ARHGAP6: variants seen among roughly 807,000 people sequenced by gnomAD.
The protein encoded by ARHGAP6 is rho GTPase-activating protein 6.
A neutral mutation model predicts 55.7 loss-of-function variants in ARHGAP6; 16 were observed. That is an observed-to-expected ratio of 0.29 (90% CI 0.19 to 0.44). The LOEUF (loss-of-function observed/expected upper bound fraction) is 0.44, where lower values mean the gene tolerates loss of function less well. ARHGAP6 is among the 20% of genes least tolerant of loss of function. The pLI, the probability that ARHGAP6 is intolerant of heterozygous loss-of-function variation, is 1.00. For synonymous variants in ARHGAP6, 382 were observed against 360.9 expected, an observed-to-expected ratio of 1.06 and a Z score of -0.66; for missense variants, 698 against 808.9, an observed-to-expected ratio of 0.86 and a Z score of 1.66.
chrX:11,181,873 A>C (rs1367796600), intron 6 of ARHGAP6, among the ~76,000 whole-genome samples, 190 bp downstream of exon 6: 1 of 110,124 alleles, frequency 9.1e-6, no homozygotes, highest in East Asian at 2.8e-4. Context: ...CAAGTGTTTG[A>C]TCCTAACTGT....
intron 1 of ARHGAP6, among the ~76,000 whole-genome samples, chrX:11,294,622 C>G (rs1222451073): frequency 8.9e-6 from 1 of 112,197 alleles, no homozygotes; most frequent in Non-Finnish European, 1.9e-5. Flanking sequence ...AGGCTGAGAG[C>G]TGGAAATCAC....
intron 1 of ARHGAP6, among the ~76,000 whole-genome samples, chrX:11,660,722 T>C (rs1263002292): frequency 9.1e-6 from 1 of 110,134 alleles, no homozygotes; most frequent in Non-Finnish European, 1.9e-5. Flanking sequence ...AGTCTTCTTT[T>C]TTGGGAGCTG....
chrX:11,659,981 A>G (rs62589866), intron 1 of ARHGAP6, among the ~76,000 whole-genome samples: 15,753 of 111,613 alleles, frequency 0.14, 1,015 homozygotes, highest in Middle Eastern at 0.27. Flanking sequence ...AGACACTGCC[A>G]AATGTCCCCT....
At chrX:11,519,506 A>T (rs140265119) in intron 1 of ARHGAP6, among the ~76,000 whole-genome samples, 11,367 of 109,902 alleles carry the variant, frequency 0.1, 852 homozygotes, top group African/African-American at 0.24. Context: ...AATTTGATTG[A>T]GTTCATTGTA....
At chrX:11,363,692 T>C (rs1394175190) in intron 1 of ARHGAP6, among the ~76,000 whole-genome samples, 1 of 112,164 alleles carries the variant, frequency 8.9e-6, no homozygotes, top group Non-Finnish European at 1.9e-5. Flanking sequence ...ACTAAGCTTA[T>C]CTTATAGACA....
chrX:11,385,395 ATGC>A (rs1280089799), intron 1 of ARHGAP6, among the ~76,000 whole-genome samples: 1 of 111,958 alleles, frequency 8.9e-6, no homozygotes, highest in East Asian at 2.8e-4. Context: ...ACTAATGATA[ATGC>A]TGCTACCAGT....
intron 1 of ARHGAP6, among the ~76,000 whole-genome samples, chrX:11,341,764 C>T (rs189218642): frequency 4.5e-5 from 5 of 112,069 alleles, no homozygotes; most frequent in South Asian, 3.7e-4. Flanking sequence ...CAAAGTTATA[C>T]GGGCTGATAA....
chrX:11,576,680 C>A (rs745740038), intron 1 of ARHGAP6, among the ~76,000 whole-genome samples: 1 of 112,207 alleles, frequency 8.9e-6, no homozygotes, highest in African/African-American at 3.2e-5. Context: ...GCAACAATTC[C>A]TGAACAAATG....
At chrX:11,491,430 T>C (rs2147848356) in intron 1 of ARHGAP6, among the ~76,000 whole-genome samples, 1 of 109,545 alleles carries the variant, frequency 9.1e-6, no homozygotes, top group African/African-American at 3.3e-5. Flanking sequence ...GTTCTCATTG[T>C]TCAATTCCCA....
chrX:11,547,403 T>C (rs1017008674), intron 1 of ARHGAP6, among the ~76,000 whole-genome samples: 1 of 111,867 alleles, frequency 8.9e-6, no homozygotes, highest in Non-Finnish European at 1.9e-5. Context: ...TCTAATTATC[T>C]CCTAGATGGT....
intron 1 of ARHGAP6, among the ~76,000 whole-genome samples, chrX:11,261,267 C>T (rs981472078): frequency 4.5e-5 from 5 of 111,159 alleles, no homozygotes; most frequent in East Asian, 2.8e-4. Flanking sequence ...AGAGTTAATC[C>T]GTGATACCTA....
chrX:11,540,640 T>C (rs1411864838), intron 1 of ARHGAP6, among the ~76,000 whole-genome samples: 1 of 112,051 alleles, frequency 8.9e-6, no homozygotes, highest in Non-Finnish European at 1.9e-5. Flanking sequence ...ACCAGTGGCT[T>C]TCATTGTTGA....
intron 1 of ARHGAP6, among the ~76,000 whole-genome samples, chrX:11,288,521 A>G (rs1387493920): frequency 1.8e-5 from 2 of 112,325 alleles, no homozygotes; most frequent in East Asian, 5.6e-4. Context: ...CACATACCAT[A>G]AGATTCACCA....
chrX:11,609,024 T>C (rs754838405), intron 1 of ARHGAP6, among the ~76,000 whole-genome samples: 1 of 111,820 alleles, frequency 8.9e-6, no homozygotes, highest in African/African-American at 3.3e-5. Flanking sequence ...CTTGTAATAG[T>C]ACTTACTGCA....
chrX:11,592,387 T>C (rs934068064), intron 1 of ARHGAP6, among the ~76,000 whole-genome samples: 9 of 111,726 alleles, frequency 8.1e-5, no homozygotes, highest in African/African-American at 2.9e-4. Context: ...AAGAAAGAGA[T>C]ACAAGTACTT....
chrX:11,362,611 T>A (rs1472720311), intron 1 of ARHGAP6, among the ~76,000 whole-genome samples: 1 of 109,468 alleles, frequency 9.1e-6, no homozygotes, highest in Non-Finnish European at 1.9e-5. Flanking sequence ...CATATGTAAC[T>A]AACCTGCACA....
chrX:11,498,940 T>C (rs1228258075), intron 1 of ARHGAP6, among the ~76,000 whole-genome samples: 1 of 111,760 alleles, frequency 8.9e-6, no homozygotes, highest in African/African-American at 3.3e-5. Context: ...TGTACATATT[T>C]ATGAGGAGGC....
At chrX:11,427,519 G>A (rs1177986469) in intron 1 of ARHGAP6, 3 of 940,827 alleles carry the variant, frequency 3.2e-6, no homozygotes, top group African/African-American at 4.2e-5. Flanking sequence ...GGCGCCCCCT[G>A]TGTCCTCTGC....
In ARHGAP6 at chrX:11,254,654, G is replaced by A. The variant is rs1569274362; in HGVS notation, c.642C>T (p.Val214=). 3 of 1,204,793 alleles carry A rather than the reference G, an allele frequency of 2.5e-6. No individual in the cohort carries two copies. The highest frequency in any genetic ancestry group is 3.4e-6 in the Non-Finnish European group (3 of 894,052). The change falls in exon 2 of 13, where the codon GTC becomes GTT. Residue 214 remains valine, a synonymous_variant. Transcript: ENST00000337414. ...MSGRSVRLRS[V]PIQSLSELER... ...CCAGCTCTGAGAGACTCTGGATGGG[G>A]ACTGACCTCAGCCGTACACTGCGGC... is the stretch of plus-strand genomic sequence containing the variant.
Sources: allele counts gnomAD v4.1 joint callset (sites outside exome capture counted in the v4.1 genomes callset), GRCh38; gene constraint gnomAD v4.1.1; transcripts MANE v1.5; gene names NCBI Gene and HGNC (gene_info 2026-07-23, HGNC 2026-07-21).